The following EFCAB5 variants were observed in gnomAD, a reference collection of about 807,000 sequenced individuals.
EFCAB5 encodes the protein EF-hand calcium-binding domain-containing protein 5.
In EFCAB5, 131 loss-of-function variants were observed where a neutral mutation model predicts 167.9. The ratio of observed to expected loss-of-function variants is 0.78; its 90% CI spans 0.68 to 0.90. The LOEUF is 0.90. EFCAB5 is among the 40% of genes least tolerant of loss of function. The pLI, the probability that EFCAB5 is intolerant of heterozygous loss-of-function variation, is 0.00. For synonymous variants in EFCAB5, 574 were observed against 602.8 expected (o/e 0.95, Z 0.70); for missense variants, 1,663 against 1,745.2 (o/e 0.95, Z 0.84).
chr17:29,962,658 G>GTACGGGTACGGGTACGGGTAC (rs1308704749), intron 3 of EFCAB5, among the ~76,000 whole-genome samples: 2 of 148,060 alleles, frequency 1.4e-5, no homozygotes, highest in African/African-American at 5.0e-5. Flanking sequence ...TTTTAGACAG[G>GTACGGGTACGGGTACGGGTAC]GTCTCGGTAT....
intron 18 of EFCAB5, among the ~76,000 whole-genome samples, chr17:30,085,573 T>C (rs1357088883): frequency 6.6e-6 from 1 of 151,888 alleles, no homozygotes. Context: ...ACAAAAAAAT[T>C]AGCCGGGCGC....
intron 1 of EFCAB5, chr17:29,930,249 C>A: frequency 1.9e-6 from 1 of 515,316 alleles, no homozygotes; most frequent in Non-Finnish European, 3.4e-6. Flanking sequence ...AGTGCGCAGG[C>A]GCCACCTGTC....
chr17:30,002,529 G>T (rs2068684136), intron 7 of EFCAB5, among the ~76,000 whole-genome samples: 1 of 152,106 alleles, frequency 6.6e-6, no homozygotes, highest in Admixed American at 6.6e-5. Context: ...AAACATCATT[G>T]TCTGAAATAT....
chr17:30,003,114 A>T (rs1597652344), intron 7 of EFCAB5, among the ~76,000 whole-genome samples: 3 of 139,878 alleles, frequency 2.1e-5, no homozygotes, highest in Admixed American at 7.3e-5. Flanking sequence ...GGGGGGTCTG[A>T]TATTTCCTCT....
chr17:30,087,180 C>T lies in EFCAB5; in HGVS notation c.3683+14C>T, dbSNP rs755182542. The stretch of plus-strand genomic sequence containing the variant: ...ATGCATCTTCAGGTTAGAGACATGT[C>T]TGTTTTGTTTGACTGCTAGAACACA... On this transcript the variant is annotated intron_variant, in intron 19 of 22. Transcript: ENST00000394835. The T allele has an allele frequency of 6.2e-7, 1 of 1,610,342 alleles. No homozygotes were observed. Among genetic ancestry groups the T allele is most frequent in the Middle Eastern group, 1.7e-4 (1 of 6,050 alleles).
chr17:30,078,259 G>A lies in EFCAB5; in HGVS notation c.2782G>A (p.Val928Met), dbSNP rs1297815469. The A allele has an allele frequency of 6.2e-7, 1 of 1,613,892 alleles. No individual in the cohort carries two copies. The highest frequency in any genetic ancestry group is 1.1e-5 in the South Asian group (1 of 91,072). ...QFPKPHPGHE[V>M]RLSSKQFQNY... ...TCCAAAGCCACACCCTGGTCACGAA[G>A]TGAGATTGTCTTCAAAACAATTTCA... Residue 928 changes from valine to methionine, a missense_variant, in exon 15 of 23, where the codon GTG becomes ATG. Physicochemically the swap from Val to Met is conservative, Grantham distance 21. Transcript: ENST00000394835.
intron 1 of EFCAB5, chr17:29,929,950 G>A (rs1243247335): frequency 1.2e-6 from 2 of 1,602,630 alleles, no homozygotes; most frequent in East Asian, 2.3e-5. Context: ...AGGCGCAGGG[G>A]CTGGAGGTGG....
intron 22 of EFCAB5, among the ~76,000 whole-genome samples, chr17:30,097,052 ATATATATAT>A (rs2071310658): frequency 1.2e-5 from 1 of 80,924 alleles, no homozygotes; most frequent in African/African-American, 6.7e-5. Context: ...ACATATACAT[ATATATATAT>A]TTTTTTTTTT....
At chr17:29,930,222 G>C in intron 1 of EFCAB5, 1 of 554,050 alleles carries the variant, frequency 1.8e-6, no homozygotes, top group Non-Finnish European at 3.2e-6. Flanking sequence ...CAGCTGCGGG[G>C]CACAATGAGC....
At chr17:29,941,501 AT>A (rs201674383), upstream of EFCAB5, 1,814 of 201,114 alleles carry the variant, frequency 9.0e-3, no homozygotes, top group Middle Eastern at 0.024. Context: ...CTGCTGCTGT[AT>A]TTTTTTTTTA....
intron 14 of EFCAB5, among the ~76,000 whole-genome samples, chr17:30,066,140 G>C (rs1283947571): frequency 6.6e-6 from 1 of 152,156 alleles, no homozygotes; most frequent in Non-Finnish European, 1.5e-5. Context: ...CCAACAGCTA[G>C]CTGCAGAATA....
At chr17:30,021,863 G>T (rs2069187502) in intron 7 of EFCAB5, among the ~76,000 whole-genome samples, 1 of 152,082 alleles carries the variant, frequency 6.6e-6, no homozygotes, top group Non-Finnish European at 1.5e-5. Context: ...ATAAATGTTG[G>T]GCTTGAAGTA....
In EFCAB5 at chr17:30,033,058, C is replaced by T. The variant is rs115659899; in HGVS notation, c.1045-1172C>T. Among the ~76,000 whole-genome samples, 974 of 152,004 alleles carry T rather than the reference C, an allele frequency of 6.4e-3. 8 individuals are homozygous for T. Among genetic ancestry groups the T allele is most frequent in the African/African-American group, 0.022 (932 of 41,472 alleles). Reference sequence around the variant, plus strand: ...CTGTGCGTGAGGCAGGGGAGGAAATCATCGGCTGTGAGCTGAGCTCACACT... The same window carrying T: ...CTGTGCGTGAGGCAGGGGAGGAAATTATCGGCTGTGAGCTGAGCTCACACT... On this transcript the variant is annotated intron_variant, in intron 7 of 22. Transcript: ENST00000394835.
intron 5 of EFCAB5, among the ~76,000 whole-genome samples, chr17:29,993,944 C>G: frequency 6.6e-6 from 1 of 150,490 alleles, no homozygotes; most frequent in Non-Finnish European, 1.5e-5. Context: ...TATAGGGAGA[C>G]CCTACTTTTA....
chr17:30,067,438 G>A (rs2070604531), intron 14 of EFCAB5, among the ~76,000 whole-genome samples: 1 of 151,922 alleles, frequency 6.6e-6, no homozygotes, highest in African/African-American at 2.4e-5. Flanking sequence ...AACATAACAA[G>A]ACCCTGTCTC....
Position 29,993,336 on chromosome 17 carries a change from G to A in EFCAB5, c.924+15G>A. The A allele has an allele frequency of 6.2e-7, 1 of 1,604,212 alleles. No homozygotes were observed. The highest frequency in any genetic ancestry group is 8.5e-7 in the Non-Finnish European group (1 of 1,174,280). ...CTAAGTCAGTGGTAAGAAAATTGGG[G>A]GTATATGTGAAAGGTAGGTGGGGTA... On this transcript the variant is annotated intron_variant, in intron 5 of 22. Coordinates refer to ENST00000394835, the MANE Select transcript of EFCAB5 (RefSeq NM_198529.4).
chr17:29,957,455 C>T lies in EFCAB5; in HGVS notation c.191-11336C>T, dbSNP rs555858243. 2.0e-4 allele frequency among the ~76,000 whole-genome samples: 31 copies of T among 152,202 alleles called. 1 individual carries two copies. In the East Asian group the frequency reaches 6.0e-3, roughly 29 times the overall value. The stretch of plus-strand genomic sequence containing the variant: ...AGGTATTAAGCCCCACATGTATTAG[C>T]TGTTTATCCTGATGCTCTTCCTCAT... On this transcript the variant is annotated intron_variant, in intron 3 of 22. Coordinates refer to ENST00000394835, the MANE Select transcript of EFCAB5 (RefSeq NM_198529.4).
chr17:29,994,479 C>T (rs1417818602), intron 5 of EFCAB5, among the ~76,000 whole-genome samples: 1 of 151,766 alleles, frequency 6.6e-6, no homozygotes, highest in Non-Finnish European at 1.5e-5. Context: ...CCTAATCACA[C>T]AAAAAGGTTG....
chr17:30,087,147 A>G lies in EFCAB5; in HGVS notation c.3664A>G (p.Arg1222Gly), dbSNP rs1159537594. 3 of 1,613,562 alleles carry G rather than the reference A, an allele frequency of 1.9e-6. No individual in the cohort carries two copies. Among genetic ancestry groups the G allele is most frequent in the Non-Finnish European group, 2.5e-6 (3 of 1,179,660 alleles). ...CCACAAAAATCCTCCTACCATCCAC[A>G]GGAAGTCATGCATCTTCAGGTTAGA... ...EIHKNPPTIH[R>G]KSCIFRDFLF... is the part of the protein sequence containing the mutation. Residue 1222 changes from arginine (R) to glycine (G), a missense_variant, in exon 19 of 23, where the codon AGG becomes GGG. Transcript: ENST00000394835.
Sources: gnomAD v4.1 joint callset for allele counts (sites outside exome capture counted in the v4.1 genomes callset) on GRCh38, gnomAD v4.1.1 for gene constraint, MANE v1.5 for transcripts, NCBI Gene and HGNC (gene_info 2026-07-23, HGNC 2026-07-21) for gene names.